The following MARCHF1 variants were observed in gnomAD, a reference collection of about 807,000 sequenced individuals.
The protein encoded by MARCHF1 is membrane associated ring-CH-type finger 1, also known as E3 ubiquitin-protein ligase MARCHF1.
MARCHF1 carries 40 observed loss-of-function variants against 54.2 expected under a neutral mutation model. That is an observed-to-expected ratio of 0.74 (90% CI 0.57 to 0.96). The LOEUF (loss-of-function observed/expected upper bound fraction) is 0.96. Ranked by LOEUF, MARCHF1 falls within the 40% of genes least tolerant of loss-of-function variation. The pLI is 0.00. For synonymous variants in MARCHF1, 236 were observed against 236.3 expected (o/e 1.00, Z 0.01); for missense variants, 586 against 656.5 (o/e 0.89, Z 1.17).
intron 1 of MARCHF1, among the ~76,000 whole-genome samples, chr4:164,379,844 T>C (rs1259963315): frequency 4.1e-4 from 62 of 151,978 alleles, no homozygotes; most frequent in Non-Finnish European, 1.6e-4. Context: ...GGCATGGTGC[T>C]AGTCAGGAGG....
At chr4:164,002,033 T>C (rs1394823483) in intron 2 of MARCHF1, among the ~76,000 whole-genome samples, 2 of 151,724 alleles carry the variant, frequency 1.3e-5, no homozygotes, top group Non-Finnish European at 1.5e-5. Context: ...TAAATTATCT[T>C]CTAGACCCTC....
At chr4:163,806,540 C>T (rs905502396) in intron 4 of MARCHF1, among the ~76,000 whole-genome samples, 1 of 152,160 alleles carries the variant, frequency 6.6e-6, no homozygotes, top group Non-Finnish European at 1.5e-5. Context: ...CTCACCTTGG[C>T]CACTGGAGTT....
At chr4:164,102,579 C>A (rs993710313) in intron 2 of MARCHF1, among the ~76,000 whole-genome samples, 1 of 150,624 alleles carries the variant, frequency 6.6e-6, no homozygotes, top group African/African-American at 2.4e-5. Context: ...GATTTTGTCA[C>A]CACCAGGCCT....
intron 4 of MARCHF1, among the ~76,000 whole-genome samples, chr4:163,709,589 T>C (rs1357308824): frequency 6.6e-6 from 1 of 152,086 alleles, no homozygotes; most frequent in Non-Finnish European, 1.5e-5. Flanking sequence ...GTGTATGTAA[T>C]CAAAAAGAGC....
chr4:163,690,376 T>C (rs1161029813), intron 5 of MARCHF1, among the ~76,000 whole-genome samples: 1 of 152,170 alleles, frequency 6.6e-6, no homozygotes, highest in Non-Finnish European at 1.5e-5. Context: ...CTGGAGGAGA[T>C]AAAATGTTAT....
At chr4:163,740,100 A>G (rs17577439) in intron 4 of MARCHF1, among the ~76,000 whole-genome samples, 117 of 152,252 alleles carry the variant, frequency 7.7e-4, no homozygotes, top group African/African-American at 2.6e-3. Flanking sequence ...AAAATGAGAG[A>G]CTTGATTATG....
chr4:163,780,231 T>C (rs1747424894), intron 4 of MARCHF1, among the ~76,000 whole-genome samples: 1 of 152,224 alleles, frequency 6.6e-6, no homozygotes, highest in South Asian at 2.1e-4. Flanking sequence ...AAGGGGAATC[T>C]TCCTTAATGC....
At chr4:164,298,350 T>A (rs1734464679) in intron 1 of MARCHF1, among the ~76,000 whole-genome samples, 1 of 151,998 alleles carries the variant, frequency 6.6e-6, no homozygotes, top group Non-Finnish European at 1.5e-5. Flanking sequence ...TAAGTAGCAC[T>A]TCTCTTCCTG....
chr4:163,554,077 G>C (rs952948524), intron 8 of MARCHF1, among the ~76,000 whole-genome samples: 8 of 152,190 alleles, frequency 5.3e-5, no homozygotes, highest in Non-Finnish European at 1.2e-4. Flanking sequence ...GCAGTATTTA[G>C]ACTAGTACTT....
intron 7 of MARCHF1, among the ~76,000 whole-genome samples, chr4:163,604,855 T>C (rs983381800): frequency 6.6e-6 from 1 of 152,042 alleles, no homozygotes; most frequent in Non-Finnish European, 1.5e-5. Context: ...TGGCTTACTC[T>C]TACTTCTCAT....
chr4:164,156,686 C>A (rs971162160), intron 1 of MARCHF1, among the ~76,000 whole-genome samples: 3 of 152,120 alleles, frequency 2.0e-5, no homozygotes, highest in African/African-American at 7.2e-5. Flanking sequence ...ATTACAGGCT[C>A]CCAAAGTGCT....
intron 1 of MARCHF1, among the ~76,000 whole-genome samples, chr4:164,219,744 C>T (rs998174718): frequency 5.3e-5 from 8 of 151,930 alleles, no homozygotes; most frequent in African/African-American, 1.9e-4. Flanking sequence ...TGACTCGGAT[C>T]AGCTCTCTTA....
intron 1 of MARCHF1, among the ~76,000 whole-genome samples, chr4:164,146,764 C>G (rs1042297854): frequency 6.6e-6 from 1 of 152,118 alleles, no homozygotes; most frequent in South Asian, 2.1e-4. Flanking sequence ...TAGGCATGGG[C>G]AAGAACTTCA....
chr4:164,377,141 A>G (rs1252668434), intron 1 of MARCHF1, among the ~76,000 whole-genome samples: 1 of 151,548 alleles, frequency 6.6e-6, no homozygotes, highest in Non-Finnish European at 1.5e-5. Flanking sequence ...GTTACCTGCA[A>G]CATACAAGTC....
chr4:163,861,197 C>T (rs1220570488), intron 3 of MARCHF1, among the ~76,000 whole-genome samples: 1 of 152,102 alleles, frequency 6.6e-6, no homozygotes, highest in Non-Finnish European at 1.5e-5. Context: ...CATCAGTAGT[C>T]TGGAAGTGCC....
At chr4:164,096,180 T>C (rs1178029521) in intron 2 of MARCHF1, among the ~76,000 whole-genome samples, 1 of 152,164 alleles carries the variant, frequency 6.6e-6, no homozygotes, top group Non-Finnish European at 1.5e-5. Context: ...TGCCCATCGA[T>C]GGTGGACTGA....
chr4:163,580,682 G>A (rs1740199521), intron 8 of MARCHF1, among the ~76,000 whole-genome samples: 1 of 152,166 alleles, frequency 6.6e-6, no homozygotes, highest in Admixed American at 6.5e-5. Context: ...GAGGTATTAG[G>A]AAAATATATT....
chr4:163,792,291 C>T (rs1378274448), intron 4 of MARCHF1, among the ~76,000 whole-genome samples: 3 of 152,094 alleles, frequency 2.0e-5, no homozygotes, highest in Admixed American at 6.6e-5. Flanking sequence ...GTAAGAGCTA[C>T]TTTTTAATAA....
At chr4:163,558,069 G>A (rs1227148905) in intron 8 of MARCHF1, among the ~76,000 whole-genome samples, 1 of 152,158 alleles carries the variant, frequency 6.6e-6, no homozygotes, top group Non-Finnish European at 1.5e-5. Flanking sequence ...AATACATGGA[G>A]TTGCATGGAA....
Sources: allele counts gnomAD v4.1 joint callset (sites outside exome capture counted in the v4.1 genomes callset), GRCh38; gene constraint gnomAD v4.1.1; transcripts MANE v1.5; gene names NCBI Gene and HGNC (gene_info 2026-07-23, HGNC 2026-07-21).